Variants in PALM2AKAP2 observed in about 807,000 individuals in gnomAD.
PALM2AKAP2 encodes PALM2 and AKAP2 fusion, also known as PALM2-AKAP2 fusion protein.
Under a neutral mutation model 71.5 loss-of-function variants are expected in PALM2AKAP2, and 37 were observed. The observed-to-expected ratio is 0.52, with a 90% confidence interval of 0.40 to 0.68. The LOEUF (loss-of-function observed/expected upper bound fraction) is 0.68, where lower values mean the gene tolerates loss of function less well. Ranked by LOEUF, PALM2AKAP2 falls within the 30% of genes least tolerant of loss-of-function variation. The probability of loss-of-function intolerance (pLI) is 0.00; values close to 1 mark genes in which losing one functional copy is unlikely to be tolerated. For missense variants in PALM2AKAP2, 1,224 were observed against 1,191.8 expected, an observed-to-expected ratio of 1.03 and a Z score of -0.40; for synonymous variants, 468 against 478.8, an observed-to-expected ratio of 0.98 and a Z score of 0.29.
chr9:110,044,871 G>T (rs1046797523), upstream of PALM2AKAP2, among the ~76,000 whole-genome samples: 4 of 151,998 alleles, frequency 2.6e-5, no homozygotes, highest in African/African-American at 7.3e-5. Context: ...CTATTTTTCA[G>T]CTTCTACTGT....
chr9:109,797,540 A>T (rs1827295311), intron 1 of PALM2AKAP2, among the ~76,000 whole-genome samples: 1 of 152,190 alleles, frequency 6.6e-6, no homozygotes, highest in Non-Finnish European at 1.5e-5. Context: ...CTGAACTCAG[A>T]AGCAGCAGTG....
chr9:110,058,564 A>G (rs1833894315), intron 1 of PALM2AKAP2, among the ~76,000 whole-genome samples: 1 of 152,132 alleles, frequency 6.6e-6, no homozygotes, highest in African/African-American at 2.4e-5. Flanking sequence ...GAGGAACGCA[A>G]ATAATGAATA....
chr9:109,893,396 C>T (rs1830129572), intron 3 of PALM2AKAP2, among the ~76,000 whole-genome samples: 1 of 152,152 alleles, frequency 6.6e-6, no homozygotes, highest in African/African-American at 2.4e-5. Context: ...TGTGGGCAGA[C>T]CAAGTTGAAA....
chr9:110,124,144 C>T lies in PALM2AKAP2; in HGVS notation c.157-11983C>T, dbSNP rs930634638. ...AATAGTTGTAAAGTCTACTTTTAGC[C>T]TCCTTTTCAAAAGAGCCTTCCTGGG... is the stretch of plus-strand genomic sequence containing the variant. On this transcript the variant is annotated intron_variant, in intron 1 of 3. Coordinates refer to ENST00000374525, the Ensembl canonical transcript of PALM2AKAP2. Among the ~76,000 whole-genome samples the T allele has an allele frequency of 2.0e-4, 30 of 152,162 alleles. 1 individual carries two copies. The highest frequency in any genetic ancestry group is 1.9e-3 in the Admixed American group (29 of 15,282).
At chr9:110,164,176 C>T (rs989082593) in intron 3 of PALM2AKAP2, among the ~76,000 whole-genome samples, 3 of 152,092 alleles carry the variant, frequency 2.0e-5, no homozygotes, top group Non-Finnish European at 2.9e-5. Context: ...GGACTAAGCC[C>T]GTCTCCCCTT....
At chr9:110,157,390 TTTGTTG>T (rs56310157) in intron 3 of PALM2AKAP2, among the ~76,000 whole-genome samples, 11 of 149,804 alleles carry the variant, frequency 7.3e-5, no homozygotes, top group South Asian at 4.3e-4. Flanking sequence ...CTTCAACTCT[TTTGTTG>T]TTGTTGTTGT....
chr9:110,156,441 A>G (rs368571832), exon 3 of PALM2AKAP2: 4 of 1,612,714 alleles, frequency 2.5e-6, no homozygotes, highest in African/African-American at 1.3e-5. Context: ...GCAGACCCTC[A>G]TGGAAGACTA....
At chr9:109,779,462 C>T (rs1829398853), upstream of PALM2AKAP2, among the ~76,000 whole-genome samples, 1 of 152,204 alleles carries the variant, frequency 6.6e-6, no homozygotes, top group Admixed American at 6.5e-5. Context: ...CTGTGATGCC[C>T]TTTACAAAGC....
At chr9:110,076,531 G>C (rs1227802291) in intron 1 of PALM2AKAP2, among the ~76,000 whole-genome samples, 1 of 100,440 alleles carries the variant, frequency 1.0e-5, no homozygotes, top group Non-Finnish European at 2.0e-5. Context: ...ACCTCCAAAA[G>C]GATGCTTTTC....
At chr9:109,678,189 CAGGTTTTAT>C (rs1827676243) in intron 1 of PALM2AKAP2, among the ~76,000 whole-genome samples, 1 of 152,144 alleles carries the variant, frequency 6.6e-6, no homozygotes. Context: ...AATACACAAG[CAGGTTTTAT>C]AGGGATTTTC....
At chr9:109,679,592 G>C (rs1587864774) in intron 1 of PALM2AKAP2, among the ~76,000 whole-genome samples, 1 of 152,096 alleles carries the variant, frequency 6.6e-6, no homozygotes, top group East Asian at 1.9e-4. Context: ...AATAATATTG[G>C]GTTTTTCTTA....
At chr9:109,748,164 G>GTTTTCTTTT (rs1246022928) in intron 1 of PALM2AKAP2, among the ~76,000 whole-genome samples, 1 of 152,096 alleles carries the variant, frequency 6.6e-6, no homozygotes, top group Non-Finnish European at 1.5e-5. Flanking sequence ...GTAGAGTTGT[G>GTTTTCTTTT]TTTTCTTTTT....
chr9:110,134,962 A>G (rs1835815235), intron 1 of PALM2AKAP2, among the ~76,000 whole-genome samples: 1 of 151,420 alleles, frequency 6.6e-6, no homozygotes, highest in Non-Finnish European at 1.5e-5. Context: ...TTATAATTTG[A>G]AAATTAATGT....
intron 5 of PALM2AKAP2, among the ~76,000 whole-genome samples, chr9:109,926,104 G>A (rs1179880476): frequency 6.6e-6 from 1 of 152,160 alleles, no homozygotes; most frequent in Non-Finnish European, 1.5e-5. Flanking sequence ...TCTAGACTAG[G>A]AAGATGATCA....
chr9:109,776,391 T>C (rs1054271098), upstream of PALM2AKAP2, among the ~76,000 whole-genome samples: 2 of 152,184 alleles, frequency 1.3e-5, no homozygotes, highest in Non-Finnish European at 2.9e-5. Flanking sequence ...TTCTGGCTGA[T>C]AGGAGCAGAA....
chr9:109,934,705 A>G (rs935349855), intron 6 of PALM2AKAP2, among the ~76,000 whole-genome samples: 7 of 152,170 alleles, frequency 4.6e-5, no homozygotes, highest in African/African-American at 1.7e-4. Context: ...CAGTTTTGAA[A>G]GGCCTCAAAG....
At chr9:109,786,003 A>G (rs1277913647) in intron 1 of PALM2AKAP2, among the ~76,000 whole-genome samples, 1 of 152,168 alleles carries the variant, frequency 6.6e-6, no homozygotes, top group African/African-American at 2.4e-5. Context: ...TCAGCTAGTG[A>G]GTTTATGGCT....
At chr9:109,696,304 T>C (rs1827969660) in intron 1 of PALM2AKAP2, among the ~76,000 whole-genome samples, 1 of 152,180 alleles carries the variant, frequency 6.6e-6, no homozygotes, top group Non-Finnish European at 1.5e-5. Context: ...AATCAGTTCA[T>C]TGAAATGGAA....
rs57864589 is a variant in PALM2AKAP2 at position 109,819,705 on chromosome 9, A to ATG, written c.45+39200_45+39201dup. On this transcript the variant is annotated intron_variant, in intron 1 of 9. Transcript: ENST00000302798. ...AAGGCCTAATTATGTGTGTGTGTGT[A>ATG]TGTGTGTGTGTGTGTGTGTGTGTGT... is the stretch of plus-strand genomic sequence containing the variant. 2.7e-3 allele frequency among the ~76,000 whole-genome samples: 385 copies of ATG among 140,718 alleles called. 2 individuals carry two copies. Among genetic ancestry groups the ATG allele is most frequent in the East Asian group, 0.018 (85 of 4,774 alleles). 92.3% of individuals were successfully genotyped at this position (140,718 alleles called of 152,430 possible). A position where few individuals can be genotyped will look rare whatever the true frequency, so the allele number is the denominator to read the frequency against.
Sources: allele counts gnomAD v4.1 joint callset (sites outside exome capture counted in the v4.1 genomes callset), GRCh38; gene constraint gnomAD v4.1.1; transcripts MANE v1.5; gene names NCBI Gene and HGNC (gene_info 2026-07-23, HGNC 2026-07-21).